The following MAP4K2 variants were observed in gnomAD, a reference collection of about 807,000 sequenced individuals.
The protein encoded by MAP4K2 is mitogen-activated protein kinase kinase kinase kinase 2, also known as B lymphocyte serine/threonine protein kinase.
In MAP4K2, 85 loss-of-function variants were observed where a neutral mutation model predicts 125.3. That is an observed-to-expected ratio of 0.68 (90% CI 0.57 to 0.81). The LOEUF (loss-of-function observed/expected upper bound fraction) is 0.81, where lower values mean the gene tolerates loss of function less well. MAP4K2 is among the 40% of genes least tolerant of loss of function. The pLI is 0.00. For missense variants in MAP4K2, 923 were observed against 1,056.4 expected, an observed-to-expected ratio of 0.87 and a Z score of 1.75; for synonymous variants, 479 against 445.1, an observed-to-expected ratio of 1.08 and a Z score of -0.96.
chr11:64,792,197 G>A lies in MAP4K2; in HGVS notation c.1889C>T (p.Pro630Leu), dbSNP rs145848436. 207 of 1,611,876 alleles carry A rather than the reference G, an allele frequency of 1.3e-4. No individual in the cohort carries two copies. In the Middle Eastern group the frequency reaches 2.8e-3, roughly 22 times the overall value. ...CTTCAGCAGCAGAAACTTCTGCAGC[G>A]GCTCATACCACTGCAGCAGGAGCAG... ...TSLLLLQWYE[P>L]LQKFLLLKNF... is the part of the protein sequence containing the mutation. Residue 630 changes from proline to leucine, a missense_variant, in exon 26 of 32, where the codon CCG (proline) becomes CTG (leucine). Physicochemically the swap from Pro to Leu is moderately conservative, Grantham distance 98. This residue lies in a region of MAP4K2 where 833 missense variants were observed against 911.4 expected (regional missense o/e 0.91). Coordinates refer to ENST00000294066, the MANE Select transcript of MAP4K2 (RefSeq NM_004579.5).
In MAP4K2 at chr11:64,785,761, T is replaced by C. The variant is rs1940187591; in HGVS notation, c.*3776A>G. 6.6e-6 allele frequency: 1 copy of C among 152,038 alleles called. No individual in the cohort carries two copies. Among genetic ancestry groups the C allele is most frequent in the Non-Finnish European group, 1.5e-5 (1 of 68,020 alleles). 9.4% of individuals were successfully genotyped at this position (152,038 alleles called of 1,614,324 possible). On this transcript the variant is annotated 3_prime_UTR_variant, in exon 32 of 32. Transcript: ENST00000294066. ...AGTGCCACCATGTCCAGCTAATTTGTGTATCTTTTGTAGAGACAGGGTTTT... is the reference window on the plus strand; with the variant it reads ...AGTGCCACCATGTCCAGCTAATTTGCGTATCTTTTGTAGAGACAGGGTTTT...
rs1442431266 is a variant in MAP4K2 at position 64,803,205 on chromosome 11, G to C, written c.-56C>G. 44 of 725,330 alleles carry C rather than the reference G, an allele frequency of 6.1e-5. No individual in the cohort carries two copies. Among genetic ancestry groups the C allele is most frequent in the Middle Eastern group, 7.0e-4 (1 of 1,434 alleles). The allele number at this position is 725,330 out of a possible 1,614,324, so 44.9% of individuals were successfully genotyped here. On this transcript the variant is annotated 5_prime_UTR_variant, in exon 1 of 32. Coordinates refer to ENST00000294066, the MANE Select transcript of MAP4K2 (RefSeq NM_004579.5). ...CGGGCGCGAGCTGCGGAGCCGGCGC[G>C]GGGCGGCGCGGGGCGGGGCGGGCGC...
In MAP4K2 at chr11:64,789,501, G is replaced by A. The variant is rs1480689150; in HGVS notation, c.*36C>T. The A allele has an allele frequency of 1.3e-6, 2 of 1,541,492 alleles. No individual in the cohort carries two copies. On this transcript the variant is annotated 3_prime_UTR_variant, in exon 32 of 32. Coordinates refer to ENST00000294066, the MANE Select transcript of MAP4K2 (RefSeq NM_004579.5). ...AAAAGGGCCTGCAGCTAAGGCGTGG[G>A]GTGGGGCGGGGAGCCCCTGGACAGG... is the stretch of plus-strand genomic sequence containing the variant.
chr11:64,797,804 C>G (rs1226773130), intron 15 of MAP4K2, 140 bp from the exon 16 acceptor site: 2 of 802,156 alleles, frequency 2.5e-6, no homozygotes, highest in Non-Finnish European at 3.7e-6. Context: ...CCCCCAAGTT[C>G]ACGCCATTCT....
At chr11:64,793,309 T>G (rs532053460) in intron 24 of MAP4K2, among the ~76,000 whole-genome samples, 38 of 152,232 alleles carry the variant, frequency 2.5e-4, no homozygotes, top group African/African-American at 8.7e-4. Context: ...TTGCACAGAC[T>G]GCACACGGCC....
Position 64,803,210 on chromosome 11 carries a change from G to T in MAP4K2, c.-61C>A, listed in dbSNP as rs1941362495. The stretch of plus-strand genomic sequence containing the variant: ...GCGAGCTGCGGAGCCGGCGCGGGGC[G>T]GCGCGGGGCGGGGCGGGCGCCCGTG... On this transcript the variant is annotated 5_prime_UTR_variant, in exon 1 of 32. Coordinates refer to ENST00000294066, the MANE Select transcript of MAP4K2 (RefSeq NM_004579.5). 4 of 732,198 alleles carry T rather than the reference G, an allele frequency of 5.5e-6. No individual in the cohort carries two copies. Among genetic ancestry groups the T allele is most frequent in the South Asian group, 1.2e-4 (2 of 16,948 alleles). The allele number at this position is 732,198 out of a possible 1,614,324, so 45.4% of individuals were successfully genotyped here.
At chr11:64,797,817 T>C (rs1390482166) in intron 15 of MAP4K2, among the ~76,000 whole-genome samples, 153 bp from the exon 16 acceptor site, 3 of 144,984 alleles carry the variant, frequency 2.1e-5, no homozygotes, top group East Asian at 4.3e-4. Context: ...GCCATTCTCC[T>C]GCCTCAGCCT....
At position 64,802,622 on chromosome 11, in the gene MAP4K2, G is replaced by T. The variant is rs1465845732; in HGVS notation, c.186C>A (p.Ile62=). ...GGTGGCGGCACTCACGCAGGATGGT[G>T]ATTTCCTGCTGGAGGGAGCTGATGT... ...GDDISSLQQE[I]TILRECRHPN... Residue 62 remains isoleucine, a synonymous_variant, in exon 3 of 32, where the codon ATC becomes ATA. Coordinates refer to ENST00000294066, the MANE Select transcript of MAP4K2 (RefSeq NM_004579.5). 1.2e-6 allele frequency: 2 copies of T among 1,612,416 alleles called. No homozygotes were observed. Among genetic ancestry groups the T allele is most frequent in the South Asian group, 2.2e-5 (2 of 90,900 alleles).
intron 27 of MAP4K2, among the ~76,000 whole-genome samples, chr11:64,791,441 G>A (rs1940468666): frequency 1.3e-5 from 2 of 152,194 alleles, no homozygotes; most frequent in Non-Finnish European, 2.9e-5. Flanking sequence ...GAGTGCAGTG[G>A]CGCGAACATG....
chr11:64,796,554 C>A lies in MAP4K2; in HGVS notation c.1573-1G>T. 7.4e-6 allele frequency: 12 copies of A among 1,613,968 alleles called. No individual in the cohort carries two copies. The highest frequency in any genetic ancestry group is 1.0e-5 in the Non-Finnish European group (12 of 1,180,044). On this transcript the variant is annotated splice_acceptor_variant, in intron 22 of 31. Transcript: ENST00000294066. LOFTEE classifies it high-confidence loss of function. ...GCCAGGAGCAGCGATGTGAAATCAG[C>A]TGGAGGCCACAGAGGGACAGATGGT...
At chr11:64,795,209 G>C (rs935469708) in intron 24 of MAP4K2, among the ~76,000 whole-genome samples, 3 of 150,022 alleles carry the variant, frequency 2.0e-5, no homozygotes, top group African/African-American at 4.9e-5. Context: ...TCAGCCTCCC[G>C]AGTAGCTGGG....
chr11:64,798,762 C>T (rs1428578602), intron 15 of MAP4K2, 32 bp downstream of exon 15: 7 of 1,612,750 alleles, frequency 4.3e-6, no homozygotes, highest in Non-Finnish European at 5.9e-6. Context: ...CCGCCCCTGC[C>T]ACCCCCTGCA....
chr11:64,801,273 G>T, intron 7 of MAP4K2, 90 bp from the exon 8 acceptor site: 1 of 1,469,356 alleles, frequency 6.8e-7, no homozygotes, highest in Non-Finnish European at 9.3e-7. Context: ...ACCTGGCAGG[G>T]CTCAGACGGG....
rs1372461698 is a variant in MAP4K2 at position 64,796,672 on chromosome 11, G to A, written c.1534C>T (p.Leu512Phe). The A allele has an allele frequency of 1.9e-6, 3 of 1,614,142 alleles. No individual in the cohort carries two copies. Among genetic ancestry groups the A allele is most frequent in the Non-Finnish European group, 2.5e-6 (3 of 1,180,042 alleles). ...VVGAEEGIYT[L>F]NLHELHEDTL... ...TCCTCATGCAGTTCATGCAGGTTGAGTGTGTAGATGCCTTCCTCGGCCCCT... is the reference window on the plus strand; with the variant it reads ...TCCTCATGCAGTTCATGCAGGTTGAATGTGTAGATGCCTTCCTCGGCCCCT... Residue 512 changes from leucine to phenylalanine, a missense_variant, in exon 22 of 32, where the codon CTC becomes TTC. By Grantham distance (22) the Leu-to-Phe change is conservative. Around this residue, in one of 2 missense-constraint regions of MAP4K2, gnomAD observed 833 missense variants for 911.4 expected, o/e 0.91. Coordinates refer to ENST00000294066, the MANE Select transcript of MAP4K2 (RefSeq NM_004579.5).
At position 64,799,630 on chromosome 11, in the gene MAP4K2, G is replaced by A. The variant is rs143891584; in HGVS notation, c.969C>T (p.Ala323=). The A allele has an allele frequency of 1.0e-3, 1,607 of 1,614,048 alleles. 10 individuals are homozygous for A. In the African/African-American group the frequency reaches 0.019, roughly 19 times the overall value. The change falls in exon 13 of 32, where the codon GCC becomes GCT. Residue 323 remains alanine (A), a synonymous_variant. Transcript: ENST00000294066. ...TIHSRGQHGP[A]ERTPSEIQFH... ...ACTGGATCTCCGAGGGGGTCCTCTC[G>A]GCTGGGCCGTGCTGCCCCCGGGAGT... is the stretch of plus-strand genomic sequence containing the variant.
rs775464134 is a variant in MAP4K2 at position 64,801,597 on chromosome 11, GGA to G, written c.437_438del (p.Leu146ProfsTer8). 3.1e-6 allele frequency: 5 copies of G among 1,613,892 alleles called. No homozygotes were observed. The highest frequency in any genetic ancestry group is 4.2e-6 in the Non-Finnish European group (5 of 1,179,968). On this transcript the variant is annotated frameshift_variant, in exon 7 of 32. Transcript: ENST00000294066. LOFTEE classifies it high-confidence loss of function. ...DIKGANLLLT[L>X]QGDVKLADFG... ...TACTGACCCAGTTTGACATCTCCCT[GGA>G]GAGTGAGGAGAAGGTTGGCTCCCTG...
chr11:64,793,250 AT>A (rs1940608850), intron 24 of MAP4K2, among the ~76,000 whole-genome samples: 1 of 152,048 alleles, frequency 6.6e-6, no homozygotes, highest in Non-Finnish European at 1.5e-5. Context: ...GAATGAAGAA[AT>A]GAGAGCATGG....
chr11:64,802,207 C>T (rs772530116), intron 4 of MAP4K2, 86 bp from the exon 5 acceptor site: 26 of 1,340,142 alleles, frequency 1.9e-5, no homozygotes, highest in Non-Finnish European at 2.6e-5. Context: ...AAGCAGCAGG[C>T]ACTGTTAAAT....
intron 29 of MAP4K2, 94 bp downstream of exon 29, chr11:64,790,094 T>A (rs1376003018): frequency 9.1e-6 from 14 of 1,537,184 alleles, no homozygotes; most frequent in Admixed American, 5.2e-5. Flanking sequence ...GGCTAGGGGA[T>A]CTGCCTCCTC....
Sources: allele counts gnomAD v4.1 joint callset (sites outside exome capture counted in the v4.1 genomes callset), GRCh38; gene constraint gnomAD v4.1.1; regional missense constraint gnomAD v4.1.1; transcripts MANE v1.5; gene names NCBI Gene and HGNC (gene_info 2026-07-23, HGNC 2026-07-21).